NCK1: variants seen among roughly 807,000 people sequenced by gnomAD.
The protein encoded by NCK1 is NCK adaptor protein 1, also known as SH2/SH3 adapter protein NCK1.
Under a neutral mutation model 36.6 loss-of-function variants are expected in NCK1, and 19 were observed. That is an observed-to-expected ratio of 0.52 (90% CI 0.36 to 0.76). NCK1 has a LOEUF of 0.76. Ranked by LOEUF, NCK1 falls within the 30% of genes least tolerant of loss-of-function variation. NCK1 has a pLI of 0.00. For missense variants in NCK1, 358 were observed against 445.6 expected, an observed-to-expected ratio of 0.80 and a Z score of 1.77; for synonymous variants, 165 against 156.0, an observed-to-expected ratio of 1.06 and a Z score of -0.43.
At chr3:136,911,875 T>TA (rs1042716366) in intron 1 of NCK1, among the ~76,000 whole-genome samples, 7 of 152,140 alleles carry the variant, frequency 4.6e-5, no homozygotes, top group African/African-American at 1.4e-4. Flanking sequence ...GTTTTTTTTT[T>TA]ATTCTCCCCT....
chr3:136,925,875 G>A (rs1022963981), intron 1 of NCK1, among the ~76,000 whole-genome samples: 8 of 152,150 alleles, frequency 5.3e-5, no homozygotes, highest in African/African-American at 1.9e-4. Context: ...AGCTTGTATG[G>A]TAGTTGCATG....
chr3:136,893,767 G>A (rs1444884917), intron 1 of NCK1, among the ~76,000 whole-genome samples: 2 of 152,142 alleles, frequency 1.3e-5, no homozygotes, highest in African/African-American at 4.8e-5. Context: ...ATCTTCCATG[G>A]AAATTTGAGA....
At chr3:136,923,158 TG>T (rs1014929171) in intron 1 of NCK1, among the ~76,000 whole-genome samples, 2 of 152,056 alleles carry the variant, frequency 1.3e-5, no homozygotes, top group African/African-American at 4.8e-5. Flanking sequence ...TGTTTTGTTG[TG>T]GGGGTAGATA....
At chr3:136,925,320 A>G (rs566025393) in intron 1 of NCK1, among the ~76,000 whole-genome samples, 3 of 151,974 alleles carry the variant, frequency 2.0e-5, no homozygotes, top group Admixed American at 6.6e-5. Context: ...TTTCTCTTTC[A>G]GTTTTTATTT....
chr3:136,878,586 G>T (rs148858387), intron 1 of NCK1, among the ~76,000 whole-genome samples: 32 of 152,162 alleles, frequency 2.1e-4, no homozygotes, highest in Non-Finnish European at 3.7e-4. Flanking sequence ...TTTTTGGGGT[G>T]ACAAAAATTT....
At chr3:136,938,895 A>G (rs1940601556) in intron 2 of NCK1, among the ~76,000 whole-genome samples, 1 of 152,176 alleles carries the variant, frequency 6.6e-6, no homozygotes, top group Admixed American at 6.5e-5. Context: ...ATGAAAATCA[A>G]CTGAATTTTG....
Position 136,950,863 on chromosome 3 carries a change from C to A in NCK1, c.*2410C>A, listed in dbSNP as rs1019469240. ...CTGCCTAACTCACTTCTACAAATAA[C>A]TTCCCCAAAATCTTAGAAGGTTTTT... On this transcript the variant is annotated 3_prime_UTR_variant, in exon 4 of 4. Coordinates refer to ENST00000481752, the MANE Select transcript of NCK1 (RefSeq NM_001291999.2). Among the ~76,000 whole-genome samples the A allele has an allele frequency of 1.3e-5, 2 of 152,128 alleles. No homozygotes were observed. Among genetic ancestry groups the A allele is most frequent in the Non-Finnish European group, 2.9e-5 (2 of 67,994 alleles).
chr3:136,862,975 ATGTT>A (rs1478573875), intron 1 of NCK1, among the ~76,000 whole-genome samples: 7 of 151,070 alleles, frequency 4.6e-5, no homozygotes, highest in African/African-American at 1.7e-4. Flanking sequence ...GAGTTGTAAT[ATGTT>A]TGGTAAAACA....
intron 2 of NCK1, chr3:136,930,740 G>A (rs1167487491): frequency 3.4e-6 from 2 of 583,580 alleles, no homozygotes; most frequent in Non-Finnish European, 5.0e-6. Flanking sequence ...CAAATGATTG[G>A]TGATATATCC....
In NCK1 at chr3:136,947,871, G is replaced by C. The variant is rs1176472341; in HGVS notation, c.940-388G>C. On this transcript the variant is annotated intron_variant, in intron 3 of 3. Coordinates refer to ENST00000481752, the MANE Select transcript of NCK1 (RefSeq NM_001291999.2). ...GCTACACATTGAAAAGGGGTTGGGTGGGTATCTTAGACTTTCTCATGTGTT... is the reference window on the plus strand; with the variant it reads ...GCTACACATTGAAAAGGGGTTGGGTCGGTATCTTAGACTTTCTCATGTGTT... Among the ~76,000 whole-genome samples, 3 of 152,232 alleles carry C rather than the reference G, an allele frequency of 2.0e-5. No individual in the cohort carries two copies. The East Asian group carries it at 5.8e-4, about 29-fold the overall frequency.
chr3:136,880,555 A>G (rs1463548247), intron 1 of NCK1, among the ~76,000 whole-genome samples: 1 of 152,172 alleles, frequency 6.6e-6, no homozygotes, highest in Non-Finnish European at 1.5e-5. Context: ...GGCCTCCAGA[A>G]CAGTGAGAAT....
chr3:136,931,833 A>G (rs148668264), intron 2 of NCK1, among the ~76,000 whole-genome samples: 2 of 152,292 alleles, frequency 1.3e-5, no homozygotes, highest in Non-Finnish European at 2.9e-5. Context: ...AAAAGAATCC[A>G]TTGTGGCTAG....
At chr3:136,864,561 C>T (rs980289705) in intron 1 of NCK1, among the ~76,000 whole-genome samples, 11 of 151,748 alleles carry the variant, frequency 7.2e-5, no homozygotes, top group African/African-American at 2.2e-4. Flanking sequence ...GGAGACCAGG[C>T]GGGGTAGTTC....
chr3:136,946,285 G>A lies in NCK1; in HGVS notation c.929G>A (p.Ser310Asn). 1.2e-6 allele frequency: 2 copies of A among 1,608,248 alleles called. No individual in the cohort carries two copies. Among genetic ancestry groups the A allele is most frequent in the Non-Finnish European group, 1.7e-6 (2 of 1,176,284 alleles). Reference sequence around the variant, plus strand: ...GAAGGGGATTTCCTCATTCGTGATAGTGAATCTTCGGTAAGTTGATTTTCG... The same window carrying A: ...GAAGGGGATTTCCTCATTCGTGATAATGAATCTTCGGTAAGTTGATTTTCG... ...GHEGDFLIRD[S>N]ESSPNDFSVS... The change falls in exon 3 of 4, where the codon AGT becomes AAT. Residue 310 changes from serine (S) to asparagine (N), a missense_variant. Transcript: ENST00000481752.
chr3:136,946,332 C>G (rs1231827313), intron 3 of NCK1, 37 bp downstream of exon 3: 1 of 1,508,600 alleles, frequency 6.6e-7, no homozygotes, highest in South Asian at 1.2e-5. Context: ...AAATAGAGCT[C>G]TGGGTATTTT....
intron 1 of NCK1, among the ~76,000 whole-genome samples, chr3:136,877,647 C>T (rs1938811720): frequency 6.6e-6 from 1 of 152,108 alleles, no homozygotes; most frequent in East Asian, 1.9e-4. Context: ...ATTTGAACTA[C>T]ACAGGTAAAG....
chr3:136,916,336 A>G (rs1389075886), intron 1 of NCK1, among the ~76,000 whole-genome samples: 1 of 152,250 alleles, frequency 6.6e-6, no homozygotes, highest in Non-Finnish European at 1.5e-5. Flanking sequence ...ATGATTAGTC[A>G]TAAGTTAAAT....
rs771394511 is a variant in NCK1, at chr3:136,928,152, G to A, written c.151G>A (p.Val51Met). The A allele has an allele frequency of 1.2e-6, 2 of 1,614,146 alleles. No homozygotes were observed. The highest frequency in any genetic ancestry group is 1.7e-6 in the Non-Finnish European group (2 of 1,180,014). The change falls in exon 2 of 4, where the codon GTG becomes ATG. Residue 51 changes from valine (V) to methionine (M), a missense_variant. By Grantham distance (21) the Val-to-Met change is conservative. Coordinates refer to ENST00000481752, the MANE Select transcript of NCK1 (RefSeq NM_001291999.2). ...AAATTCCATGAATAAAACAGGTTTT[G>A]TGCCTTCTAACTATGTGGAAAGGAA... Reference protein sequence around the residue: ...VRNSMNKTGFVPSNYVERKNS... With the variant: ...VRNSMNKTGFMPSNYVERKNS...
Position 136,921,664 on chromosome 3 carries a change from T to C in NCK1, c.-18-6320T>C, listed in dbSNP as rs142106887. On this transcript the variant is annotated intron_variant, in intron 1 of 3. Transcript: ENST00000481752. Reference sequence around the variant, plus strand: ...AAGGACAGATTTTATTCAGTAACTATTGCAGTAGGGAAGAGTGTCCAGTGT... The same window carrying C: ...AAGGACAGATTTTATTCAGTAACTACTGCAGTAGGGAAGAGTGTCCAGTGT... Among the ~76,000 whole-genome samples the C allele has an allele frequency of 2.0e-5, 3 of 152,348 alleles. No homozygotes were observed. The East Asian group carries it at 5.8e-4, about 29-fold the overall frequency.
Sources: gnomAD v4.1 joint callset for allele counts (sites outside exome capture counted in the v4.1 genomes callset) on GRCh38, gnomAD v4.1.1 for gene constraint, MANE v1.5 for transcripts, NCBI Gene and HGNC (gene_info 2026-07-23, HGNC 2026-07-21) for gene names.